Variants in FAM107B observed in about 807,000 individuals in gnomAD.
FAM107B encodes family with sequence similarity 107 member B, also known as protein FAM107B.
FAM107B carries 21 observed loss-of-function variants against 31.5 expected under a neutral mutation model. The observed-to-expected ratio is 0.67, with a 90% CI of 0.47 to 0.96. FAM107B has a LOEUF of 0.96. Ranked by LOEUF, FAM107B falls within the 40% of genes least tolerant of loss-of-function variation. The probability of loss-of-function intolerance (pLI) is 0.00; values close to 1 mark genes in which losing one functional copy is unlikely to be tolerated. For missense variants in FAM107B, 452 were observed against 377.1 expected (o/e 1.20, Z -1.64); for synonymous variants, 157 against 141.5 (o/e 1.11, Z -0.78).
chr10:14,525,030 G>A (rs1846073876), intron 3 of FAM107B, among the ~76,000 whole-genome samples: 1 of 152,186 alleles, frequency 6.6e-6, no homozygotes. Flanking sequence ...TCTACTTACA[G>A]CAGTCAAGAA....
chr10:14,563,892 A>AT (rs1307566523), intron 2 of FAM107B, among the ~76,000 whole-genome samples: 1 of 151,810 alleles, frequency 6.6e-6, no homozygotes, highest in East Asian at 1.9e-4. Flanking sequence ...TTCTCACTAA[A>AT]TTTTTTTTTG....
At chr10:14,618,704 G>T (rs916966361) in intron 2 of FAM107B, among the ~76,000 whole-genome samples, 3 of 152,156 alleles carry the variant, frequency 2.0e-5, no homozygotes, top group Non-Finnish European at 4.4e-5. Context: ...AGGCATGGTG[G>T]TGTGAACCTG....
At chr10:14,772,438 G>C (rs1019168763) in intron 1 of FAM107B, among the ~76,000 whole-genome samples, 3 of 151,534 alleles carry the variant, frequency 2.0e-5, no homozygotes, top group African/African-American at 7.3e-5. Flanking sequence ...TTAGAATAAG[G>C]GCTAGCGAAC....
At chr10:14,653,571 C>T (rs900232015) in intron 2 of FAM107B, among the ~76,000 whole-genome samples, 7 of 152,100 alleles carry the variant, frequency 4.6e-5, no homozygotes, top group African/African-American at 1.7e-4. Context: ...CCTGTGCCAT[C>T]ATGGTGCAAG....
At chr10:14,572,851 A>T (rs1851327213) in intron 2 of FAM107B, among the ~76,000 whole-genome samples, 2 of 150,852 alleles carry the variant, frequency 1.3e-5, no homozygotes, top group African/African-American at 4.9e-5. Context: ...AAGGGACTTG[A>T]GTTCCAGTCC....
chr10:14,615,531 C>T (rs1457969510), intron 2 of FAM107B, among the ~76,000 whole-genome samples: 1 of 152,170 alleles, frequency 6.6e-6, no homozygotes, highest in African/African-American at 2.4e-5. Context: ...ATGATGTTCC[C>T]TCTGGCAGAA....
At chr10:14,604,496 C>G (rs1852531305) in intron 2 of FAM107B, 1 of 151,630 alleles carries the variant, frequency 6.6e-6, no homozygotes, top group South Asian at 2.1e-4. Context: ...CCTGGCAGCC[C>G]CGCCCCCGCC....
rs1454942636 is a variant in FAM107B, at chr10:14,674,357, G to A, written c.412-6666C>T. 2.6e-5 allele frequency among the ~76,000 whole-genome samples: 4 copies of A among 152,206 alleles called. No individual in the cohort carries two copies. The East Asian group carries it at 7.7e-4, about 29-fold the overall frequency. On this transcript the variant is annotated intron_variant, in intron 1 of 4. Coordinates refer to ENST00000181796, the MANE Select transcript of FAM107B (RefSeq NM_031453.4). The stretch of plus-strand genomic sequence containing the variant: ...TATTTGCAAACTATTGATCTGACAA[G>A]AGATTAACATCCAGAATATACAGGG...
chr10:14,622,420 C>T (rs1204109743), intron 2 of FAM107B, among the ~76,000 whole-genome samples: 5 of 151,520 alleles, frequency 3.3e-5, no homozygotes, highest in Non-Finnish European at 7.4e-5. Flanking sequence ...GATTCTCCTG[C>T]CTCAACCTCC....
chr10:14,743,425 C>T (rs1448644317), intron 1 of FAM107B, among the ~76,000 whole-genome samples: 1 of 152,098 alleles, frequency 6.6e-6, no homozygotes, highest in Non-Finnish European at 1.5e-5. Context: ...GAAATCTTTG[C>T]CCGTGCCTAT....
intron 1 of FAM107B, among the ~76,000 whole-genome samples, chr10:14,678,557 A>G (rs1854746785): frequency 6.6e-6 from 1 of 152,202 alleles, no homozygotes; most frequent in Non-Finnish European, 1.5e-5. Flanking sequence ...GATGGATTAC[A>G]TGGATCTCAG....
intron 1 of FAM107B, among the ~76,000 whole-genome samples, chr10:14,714,473 C>A (rs1170300286): frequency 6.6e-6 from 1 of 152,208 alleles, no homozygotes; most frequent in African/African-American, 2.4e-5. Context: ...GGAGAGCCGG[C>A]AGCAGGAGTC....
chr10:14,671,128 G>C (rs186922371), intron 1 of FAM107B, among the ~76,000 whole-genome samples: 1 of 152,008 alleles, frequency 6.6e-6, no homozygotes, highest in Non-Finnish European at 1.5e-5. Context: ...CCGTGAAACC[G>C]ACTCCTTCCC....
chr10:14,568,798 G>A (rs981509469), intron 2 of FAM107B, among the ~76,000 whole-genome samples: 3 of 151,470 alleles, frequency 2.0e-5, no homozygotes, highest in Non-Finnish European at 4.4e-5. Context: ...GGGGAAGGGA[G>A]AGAGGGTGGG....
chr10:14,653,470 G>A (rs1412059719), intron 2 of FAM107B, among the ~76,000 whole-genome samples: 1 of 152,132 alleles, frequency 6.6e-6, no homozygotes, highest in Non-Finnish European at 1.5e-5. Flanking sequence ...AGCCTCTCAG[G>A]AGCACACAGT....
intron 2 of FAM107B, among the ~76,000 whole-genome samples, chr10:14,585,070 G>C (rs960603373): frequency 6.6e-6 from 1 of 152,154 alleles, no homozygotes; most frequent in African/African-American, 2.4e-5. Context: ...TGTACACCAA[G>C]TAACCAAAGG....
intron 2 of FAM107B, among the ~76,000 whole-genome samples, chr10:14,627,471 G>T (rs560928461): frequency 1.3e-5 from 2 of 152,318 alleles, no homozygotes; most frequent in Admixed American, 1.3e-4. Flanking sequence ...AAGATAGAAT[G>T]TAAAAAGAAT....
chr10:14,528,718 C>A (rs779536478), intron 3 of FAM107B, among the ~76,000 whole-genome samples: 1 of 152,116 alleles, frequency 6.6e-6, no homozygotes, highest in East Asian at 1.9e-4. Flanking sequence ...AGGAGAAGAA[C>A]AGGCCAGACA....
At chr10:14,604,221 G>A (rs1852509957) in intron 2 of FAM107B, 2 of 979,784 alleles carry the variant, frequency 2.0e-6, no homozygotes, top group African/African-American at 1.8e-5. Flanking sequence ...TGGAAAGTAA[G>A]TGCGGGAGGC....
Sources: allele counts gnomAD v4.1 joint callset (sites outside exome capture counted in the v4.1 genomes callset), GRCh38; gene constraint gnomAD v4.1.1; transcripts MANE v1.5; gene names NCBI Gene and HGNC (gene_info 2026-07-23, HGNC 2026-07-21).